Variants in SLC25A31 observed in about 807,000 individuals in gnomAD.
SLC25A31 encodes the protein solute carrier family 25 member 31.
SLC25A31 carries 40 observed loss-of-function variants against 36.2 expected under a neutral mutation model. The observed-to-expected ratio is 1.10, with a 90% CI of 0.86 to 1.44. The LOEUF is 1.44. Among genes scored for constraint, SLC25A31 ranks in the 40% most tolerant of loss-of-function variants. The probability of loss-of-function intolerance (pLI) is 0.00; values close to 1 mark genes in which losing one functional copy is unlikely to be tolerated. For missense variants in SLC25A31, 350 were observed against 397.1 expected (o/e 0.88, Z 1.01); for synonymous variants, 143 against 149.7 (o/e 0.96, Z 0.32).
At chr4:127,759,534 G>T (rs1732090117) in intron 2 of SLC25A31, among the ~76,000 whole-genome samples, 2 of 152,046 alleles carry the variant, frequency 1.3e-5, no homozygotes, top group African/African-American at 4.8e-5. Context: ...GGACATTCTT[G>T]TCTAGGAACA....
At chr4:127,753,340 A>G (rs1203897281) in intron 2 of SLC25A31, among the ~76,000 whole-genome samples, 2 of 152,130 alleles carry the variant, frequency 1.3e-5, no homozygotes, top group African/African-American at 4.8e-5. Flanking sequence ...TCACAATAGA[A>G]ATAAATGAAA....
chr4:127,743,130 C>CTT lies in SLC25A31; in HGVS notation c.233-1526_233-1525dup, dbSNP rs57035802. Among the ~76,000 whole-genome samples the CTT allele has an allele frequency of 2.5e-3, 322 of 128,032 alleles. 1 individual carries two copies. The highest frequency in any genetic ancestry group is 7.1e-3 in the African/African-American group (245 of 34,708). The allele number at this position is 128,032 out of a possible 152,430, so 84.0% of individuals were successfully genotyped here. A position where few individuals can be genotyped will look rare whatever the true frequency, so the allele number is the denominator to read the frequency against. On this transcript the variant is annotated intron_variant, in intron 1 of 5. Coordinates refer to ENST00000281154, the MANE Select transcript of SLC25A31 (RefSeq NM_031291.4). ...TCAGAGAGTTTTTCTTTTTTCTTTTCTTTTTTTTTTTTTTTTTGAAGACAG... is the reference window on the plus strand; with the variant it reads ...TCAGAGAGTTTTTCTTTTTTCTTTTCTTTTTTTTTTTTTTTTTTTGAAGACAG...
chr4:127,754,624 GA>G (rs1390036072), intron 2 of SLC25A31, among the ~76,000 whole-genome samples: 1 of 150,906 alleles, frequency 6.6e-6, no homozygotes, highest in African/African-American at 2.4e-5. Context: ...ACTGATTAAA[GA>G]AACTGAAACT....
Position 127,730,756 on chromosome 4 carries a change from G to C in SLC25A31, c.211G>C (p.Val71Leu), listed in dbSNP as rs750038851. The C allele has an allele frequency of 3.1e-6, 5 of 1,611,486 alleles. No individual in the cohort carries two copies. Among genetic ancestry groups the C allele is most frequent in the African/African-American group, 1.3e-5 (1 of 74,902 alleles). ...GTACAAAGGCATGGTGGACTGCCTG[G>C]TGCGGATTCCTCGCGAGCAGGGTGC... is the stretch of plus-strand genomic sequence containing the variant. ...ARYKGMVDCL[V>L]RIPREQGFFS... Residue 71 changes from valine (V) to leucine (L), a missense_variant, in exon 1 of 6, where the codon GTG becomes CTG. By Grantham distance (32) the Val-to-Leu change is conservative (BLOSUM62 1). Transcript: ENST00000281154.
intron 2 of SLC25A31, among the ~76,000 whole-genome samples, chr4:127,753,017 A>G (rs1259712568): frequency 1.3e-5 from 2 of 152,228 alleles, no homozygotes; most frequent in African/African-American, 2.4e-5. Flanking sequence ...TTTTCTGACC[A>G]TAGTGGAGTA....
chr4:127,763,789 T>G (rs754566116), intron 2 of SLC25A31, among the ~76,000 whole-genome samples: 1 of 152,170 alleles, frequency 6.6e-6, no homozygotes, highest in Non-Finnish European at 1.5e-5. Flanking sequence ...CAAAAAGTAA[T>G]TGCAGTTTTT....
At chr4:127,739,645 A>G (rs1560631666) in intron 1 of SLC25A31, among the ~76,000 whole-genome samples, 1 of 152,068 alleles carries the variant, frequency 6.6e-6, no homozygotes, top group Non-Finnish European at 1.5e-5. Flanking sequence ...AAGATTAGGG[A>G]AATTTTCTTG....
In SLC25A31 at chr4:127,767,177, T is replaced by C. The variant is rs773204233; in HGVS notation, c.590T>C (p.Ile197Thr). 6.2e-7 allele frequency: 1 copy of C among 1,611,974 alleles called. No individual in the cohort carries two copies. The highest frequency in any genetic ancestry group is 1.3e-5 in the African/African-American group (1 of 74,986). Residue 197 changes from isoleucine (I) to threonine (T), a missense_variant, in exon 4 of 6, where the codon ATT becomes ACT. Ile to Thr is a moderately conservative substitution (Grantham distance 89, BLOSUM62 -1). Coordinates refer to ENST00000281154, the MANE Select transcript of SLC25A31 (RefSeq NM_031291.4). ...TTTGGTGTTTCAGTACAGGGCATCA[T>C]TGTGTACCGAGCCTCTTATTTTGGA... ...QGFGVSVQGIIVYRASYFGAY... is the reference protein window; with the variant it reads ...QGFGVSVQGITVYRASYFGAY...
At chr4:127,766,678 G>A (rs1170471379) in intron 3 of SLC25A31, among the ~76,000 whole-genome samples, 2 of 152,188 alleles carry the variant, frequency 1.3e-5, no homozygotes, top group East Asian at 3.9e-4. Context: ...GCCCAGGCTG[G>A]TCTCGAACTC....
At chr4:127,749,708 CA>C (rs34540386) in intron 2 of SLC25A31, among the ~76,000 whole-genome samples, 72,287 of 106,004 alleles carry the variant, frequency 0.68, 22,432 homozygotes, top group Middle Eastern at 0.77. Flanking sequence ...GACTCCATCT[CA>C]AAAAAAAAAA....
intron 1 of SLC25A31, among the ~76,000 whole-genome samples, chr4:127,739,444 T>C (rs1731692475): frequency 6.6e-6 from 1 of 152,236 alleles, no homozygotes; most frequent in South Asian, 2.1e-4. Flanking sequence ...CTTGTAGTGT[T>C]TCTGCTGAGA....
At chr4:127,739,476 GT>G (rs1731692977) in intron 1 of SLC25A31, among the ~76,000 whole-genome samples, 1 of 152,114 alleles carries the variant, frequency 6.6e-6, no homozygotes, top group South Asian at 2.1e-4. Flanking sequence ...AGCTTGATGG[GT>G]TTCTCTTTGT....
At chr4:127,735,880 A>ATTT (rs1345012855) in intron 1 of SLC25A31, among the ~76,000 whole-genome samples, 1 of 70,032 alleles carries the variant, frequency 1.4e-5, no homozygotes, top group African/African-American at 5.2e-5. Context: ...TTATTTATTT[A>ATTT]TTTATTTATT....
rs1351806110 is a variant in SLC25A31, at chr4:127,773,556, T to C, written c.930T>C (p.Ile310=). The C allele has an allele frequency of 6.3e-7, 1 of 1,599,338 alleles. No individual in the cohort carries two copies. The change falls in exon 6 of 6, where the codon ATT becomes ATC. Residue 310 remains isoleucine, a synonymous_variant. Coordinates refer to ENST00000281154, the MANE Select transcript of SLC25A31 (RefSeq NM_031291.4). ...LYDKIKEFFH[I]DIGGR is the part of the protein sequence containing the mutation. ...ATAAAATTAAAGAATTCTTTCATAT[T>C]GATATTGGTGGTAGGTAATCGGGAG... is the stretch of plus-strand genomic sequence containing the variant.
chr4:127,734,577 AAAAAAG>A (rs1238210314), intron 1 of SLC25A31, among the ~76,000 whole-genome samples: 1 of 149,938 alleles, frequency 6.7e-6, no homozygotes, highest in Non-Finnish European at 1.5e-5. Flanking sequence ...AAAAAAAAAA[AAAAAAG>A]ATCCGTACAG....
intron 2 of SLC25A31, among the ~76,000 whole-genome samples, chr4:127,751,523 A>G (rs1472429419): frequency 1.3e-5 from 2 of 152,338 alleles, no homozygotes; most frequent in South Asian, 2.1e-4. Context: ...CAAGGACTTC[A>G]TGTCTAAAAC....
chr4:127,732,436 A>G (rs1175997627), intron 1 of SLC25A31, among the ~76,000 whole-genome samples: 1 of 152,122 alleles, frequency 6.6e-6, no homozygotes, highest in African/African-American at 2.4e-5. Flanking sequence ...CATTTCCCCC[A>G]AGATTTTTTC....
At chr4:127,760,194 G>A (rs1045019685) in intron 2 of SLC25A31, among the ~76,000 whole-genome samples, 1 of 152,102 alleles carries the variant, frequency 6.6e-6, no homozygotes, top group Non-Finnish European at 1.5e-5. Flanking sequence ...AGGATAATTC[G>A]TTGAAGGATT....
intron 1 of SLC25A31, among the ~76,000 whole-genome samples, chr4:127,736,480 T>C (rs1222737660): frequency 6.6e-6 from 1 of 152,214 alleles, no homozygotes; most frequent in Non-Finnish European, 1.5e-5. Context: ...TTCCTGCCAT[T>C]GTATCACTTC....
Sources: allele counts gnomAD v4.1 joint callset (sites outside exome capture counted in the v4.1 genomes callset), GRCh38; gene constraint gnomAD v4.1.1; transcripts MANE v1.5; gene names NCBI Gene and HGNC (gene_info 2026-07-23, HGNC 2026-07-21).